CDH13: variants seen among roughly 807,000 people sequenced by gnomAD.
CDH13 encodes cadherin-13.
In CDH13, 24 loss-of-function variants were observed where a neutral mutation model predicts 63.8. The ratio of observed to expected loss-of-function variants is 0.38; its 90% CI spans 0.27 to 0.53. The LOEUF (loss-of-function observed/expected upper bound fraction) is 0.53. Among genes scored for constraint, CDH13 ranks in the 20% least tolerant of loss-of-function variants. The probability of loss-of-function intolerance (pLI) is 0.85; values close to 1 mark genes in which losing one functional copy is unlikely to be tolerated. For missense variants in CDH13, 1,049 were observed against 903.1 expected (o/e 1.16, Z -2.07); for synonymous variants, 503 against 355.3 (o/e 1.42, Z -4.67).
At chr16:82,869,204 G>C (rs572064100) in intron 2 of CDH13, among the ~76,000 whole-genome samples, 5 of 152,084 alleles carry the variant, frequency 3.3e-5, no homozygotes, top group Admixed American at 1.3e-4. Context: ...GCACCACCAC[G>C]CCTGGCTAAT....
chr16:82,686,985 C>T (rs1457046402), intron 1 of CDH13, among the ~76,000 whole-genome samples: 3 of 152,172 alleles, frequency 2.0e-5, no homozygotes, highest in African/African-American at 4.8e-5. Flanking sequence ...TTGCTTCGTT[C>T]AATAAAGATT....
At chr16:83,367,693 T>G (rs1200858667) in intron 6 of CDH13, among the ~76,000 whole-genome samples, 1 of 152,256 alleles carries the variant, frequency 6.6e-6, no homozygotes, top group Non-Finnish European at 1.5e-5. Flanking sequence ...TTGCTAGGTG[T>G]AAAGGAGTAT....
intron 4 of CDH13, among the ~76,000 whole-genome samples, chr16:83,193,461 A>G (rs1334112276): frequency 2.0e-5 from 3 of 152,160 alleles, no homozygotes; most frequent in East Asian, 1.9e-4. Flanking sequence ...TCTTCTCTTC[A>G]TGGGGGTTAC....
intron 6 of CDH13, among the ~76,000 whole-genome samples, chr16:83,380,849 T>C (rs1428329905): frequency 1.3e-5 from 2 of 151,476 alleles, no homozygotes; most frequent in Non-Finnish European, 1.5e-5. Context: ...TTTTTTTTCC[T>C]TTAATTAAGG....
intron 10 of CDH13, among the ~76,000 whole-genome samples, chr16:83,702,225 C>T (rs546280843): frequency 6.6e-6 from 1 of 152,162 alleles, no homozygotes; most frequent in African/African-American, 2.4e-5. Context: ...GCTTCCATCA[C>T]ACTGTATTTT....
intron 8 of CDH13, among the ~76,000 whole-genome samples, chr16:83,621,225 C>T (rs1166062094): frequency 6.6e-6 from 1 of 152,188 alleles, no homozygotes. Flanking sequence ...GTAGAGCCCA[C>T]TATTCAGGCA....
intron 10 of CDH13, among the ~76,000 whole-genome samples, chr16:83,715,691 C>T (rs1249602597): frequency 6.6e-6 from 1 of 152,182 alleles, no homozygotes; most frequent in Non-Finnish European, 1.5e-5. Flanking sequence ...CCCTGGTGGA[C>T]AGTCTGATGC....
chr16:82,750,348 T>A, intron 1 of CDH13, among the ~76,000 whole-genome samples: 1 of 152,174 alleles, frequency 6.6e-6, no homozygotes, highest in East Asian at 1.9e-4. Flanking sequence ...AAAGTCAACC[T>A]CAGAGCACTA....
intron 6 of CDH13, among the ~76,000 whole-genome samples, chr16:83,433,387 C>G (rs2072186713): frequency 6.6e-6 from 1 of 152,168 alleles, no homozygotes; most frequent in Non-Finnish European, 1.5e-5. Context: ...CACGAAAAAG[C>G]TTTGTGACTT....
At chr16:83,160,140 A>G (rs1042669751) in intron 4 of CDH13, among the ~76,000 whole-genome samples, 2 of 152,146 alleles carry the variant, frequency 1.3e-5, no homozygotes, top group African/African-American at 4.8e-5. Flanking sequence ...TGGATGTACC[A>G]TGATTCAAAC....
At chr16:83,349,809 C>T (rs1308835622) in intron 6 of CDH13, among the ~76,000 whole-genome samples, 1 of 152,004 alleles carries the variant, frequency 6.6e-6, no homozygotes, top group African/African-American at 2.4e-5. Flanking sequence ...CCACATTGGC[C>T]AGGCTGGTCT....
chr16:83,746,325 C>T (rs758380518), intron 10 of CDH13, among the ~76,000 whole-genome samples: 61 of 152,140 alleles, frequency 4.0e-4, no homozygotes, highest in Admixed American at 3.9e-4. Flanking sequence ...TCTGCCTCCA[C>T]GGTCGTGTGG....
At chr16:82,665,084 T>A (rs1158497549) in intron 1 of CDH13, among the ~76,000 whole-genome samples, 1 of 152,214 alleles carries the variant, frequency 6.6e-6, no homozygotes, top group Non-Finnish European at 1.5e-5. Flanking sequence ...TGTATATGCT[T>A]CCAGGTGCAT....
intron 8 of CDH13, among the ~76,000 whole-genome samples, chr16:83,613,501 C>G (rs1909029644): frequency 6.6e-6 from 1 of 152,112 alleles, no homozygotes; most frequent in Non-Finnish European, 1.5e-5. Context: ...CTCACCAATC[C>G]TCTCTTCTGT....
intron 5 of CDH13, among the ~76,000 whole-genome samples, chr16:83,330,681 C>T (rs1172070459): frequency 1.3e-5 from 2 of 152,306 alleles, no homozygotes; most frequent in East Asian, 1.9e-4. Flanking sequence ...GGGCCTGGAG[C>T]TGGTACTGAC....
chr16:83,782,779 A>T (rs1915618000), intron 12 of CDH13, among the ~76,000 whole-genome samples: 1 of 151,978 alleles, frequency 6.6e-6, no homozygotes, highest in Non-Finnish European at 1.5e-5. Flanking sequence ...TGTAGGCTAT[A>T]GAACCCATCT....
chr16:82,820,452 C>A (rs1178234967), intron 1 of CDH13, among the ~76,000 whole-genome samples: 1 of 152,120 alleles, frequency 6.6e-6, no homozygotes, highest in Non-Finnish European at 1.5e-5. Flanking sequence ...GAAACTGAGG[C>A]ACAGAGAATT....
chr16:83,505,508 G>C (rs1349239126), intron 7 of CDH13, among the ~76,000 whole-genome samples: 1 of 147,318 alleles, frequency 6.8e-6, no homozygotes, highest in East Asian at 2.0e-4. Context: ...TTCTTGTAAA[G>C]CTGATGAGGT....
intron 1 of CDH13, among the ~76,000 whole-genome samples, chr16:82,689,738 A>G (rs1362556693): frequency 1.3e-5 from 2 of 152,084 alleles, no homozygotes; most frequent in Admixed American, 6.5e-5. Flanking sequence ...TCACATTTAC[A>G]TTCTGGACAA....
Sources: allele counts gnomAD v4.1 joint callset (sites outside exome capture counted in the v4.1 genomes callset), GRCh38; gene constraint gnomAD v4.1.1; transcripts MANE v1.5; gene names NCBI Gene and HGNC (gene_info 2026-07-23, HGNC 2026-07-21).